The following ANXA4 variants were observed in gnomAD, a reference collection of about 807,000 sequenced individuals.
ANXA4 encodes 35-beta calcimedin.
Under a neutral mutation model 49.8 loss-of-function variants are expected in ANXA4, and 39 were observed. That is an observed-to-expected ratio of 0.78 (90% CI 0.61 to 1.02). The LOEUF is 1.02. Among genes scored for constraint, ANXA4 ranks in the 50% least tolerant of loss-of-function variants. The pLI is 0.00. For synonymous variants in ANXA4, 134 were observed against 152.5 expected (o/e 0.88, Z 0.89); for missense variants, 360 against 410.1 (o/e 0.88, Z 1.05).
At chr2:69,656,389 G>GTGTATATATA (rs1461030810) in intron 2 of ANXA4, among the ~76,000 whole-genome samples, 2 of 85,798 alleles carry the variant, frequency 2.3e-5, no homozygotes, top group Admixed American at 1.6e-4. Flanking sequence ...GTATATATAT[G>GTGTATATATA]TGTATATATA....
chr2:69,797,330 G>A (rs1284399764), intron 3 of ANXA4, among the ~76,000 whole-genome samples: 1 of 152,150 alleles, frequency 6.6e-6, no homozygotes, highest in Admixed American at 6.5e-5. Flanking sequence ...GCAGCCCCAT[G>A]GTTGCAGGTG....
chr2:69,788,196 A>T, intron 3 of ANXA4, 55 bp downstream of exon 3: 1 of 1,510,264 alleles, frequency 6.6e-7, no homozygotes, highest in South Asian at 1.1e-5. Flanking sequence ...TCACAGGGTC[A>T]CACAGGAGGG....
chr2:69,785,739 A>G (rs945197506), intron 2 of ANXA4, among the ~76,000 whole-genome samples: 2 of 152,196 alleles, frequency 1.3e-5, no homozygotes, highest in Admixed American at 6.5e-5. Flanking sequence ...GATAAGATTC[A>G]TACCCCACTC....
intron 2 of ANXA4, among the ~76,000 whole-genome samples, chr2:69,783,836 G>C (rs931276842): frequency 2.0e-5 from 3 of 152,144 alleles, no homozygotes; most frequent in African/African-American, 7.2e-5. Context: ...GCCTGTTCTA[G>C]AACATCCTAT....
At chr2:69,729,527 T>G (rs967869546) in intron 3 of ANXA4, among the ~76,000 whole-genome samples, 9 of 152,192 alleles carry the variant, frequency 5.9e-5, no homozygotes, top group Non-Finnish European at 7.4e-5. Flanking sequence ...TTAGGGGTGG[T>G]GCTACAGGTG....
chr2:69,650,259 C>T (rs562989746), intron 1 of ANXA4, among the ~76,000 whole-genome samples: 16 of 151,978 alleles, frequency 1.1e-4, no homozygotes, highest in East Asian at 3.9e-4. Flanking sequence ...TCTAAGGCTA[C>T]GTTGTTATAA....
intron 1 of ANXA4, among the ~76,000 whole-genome samples, chr2:69,750,498 A>G (rs1670793772): frequency 6.6e-6 from 1 of 152,194 alleles, no homozygotes; most frequent in Admixed American, 6.5e-5. Flanking sequence ...CTGCAGCCTC[A>G]AACTCCTGGG....
At chr2:69,704,315 C>T (rs1033206642) in intron 2 of ANXA4, among the ~76,000 whole-genome samples, 1 of 152,108 alleles carries the variant, frequency 6.6e-6, no homozygotes, top group African/African-American at 2.4e-5. Flanking sequence ...AGTAATTATA[C>T]AAAAAGTAAC....
Position 69,667,476 on chromosome 2 carries a change from A to G in ANXA4, n.766+14194A>G, listed in dbSNP as rs546482035. ...CCCATCTGACCTGAAAAAAAAAAAA[A>G]GGAAAGAAAAATAAAAGTCCCATAA... On this transcript the variant is annotated intron_variant and non_coding_transcript_variant, in intron 2 of 3. Coordinates refer to the ANXA4 transcript ENST00000418066. Among the ~76,000 whole-genome samples, 931 of 151,486 alleles carry G rather than the reference A, an allele frequency of 6.1e-3. 20 individuals are homozygous for G. Among genetic ancestry groups the G allele is most frequent in the East Asian group, 0.011 (57 of 5,082 alleles).
chr2:69,731,984 T>C (rs1424625299), intron 3 of ANXA4, among the ~76,000 whole-genome samples: 5 of 143,516 alleles, frequency 3.5e-5, no homozygotes, highest in South Asian at 4.4e-4. Context: ...TTCTTTCTTT[T>C]TTTTTTTTTT....
At chr2:69,654,477 G>T (rs1229914644) in intron 2 of ANXA4, among the ~76,000 whole-genome samples, 1 of 152,120 alleles carries the variant, frequency 6.6e-6, no homozygotes, top group Non-Finnish European at 1.5e-5. Flanking sequence ...CTAGTTTATT[G>T]AGAGTTTTTA....
intron 2 of ANXA4, among the ~76,000 whole-genome samples, chr2:69,715,405 A>G (rs1384349360): frequency 1.3e-5 from 2 of 151,998 alleles, no homozygotes; most frequent in East Asian, 3.9e-4. Flanking sequence ...ACGGGGTTTC[A>G]CCATATTGGC....
At chr2:69,670,438 CAAAAAAAAAAAA>C (rs748196181) in intron 2 of ANXA4, among the ~76,000 whole-genome samples, 9 of 44,780 alleles carry the variant, frequency 2.0e-4, no homozygotes, top group African/African-American at 6.4e-4. Context: ...GACTCAATCT[CAAAAAAAAAAAA>C]AAAAAAAAAG....
chr2:69,746,401 G>A (rs1331571896), intron 1 of ANXA4, among the ~76,000 whole-genome samples: 1 of 152,120 alleles, frequency 6.6e-6, no homozygotes, highest in African/African-American at 2.4e-5. Context: ...TAGTCTTATA[G>A]TGCTAACACC....
At chr2:69,675,564 T>C (rs1367864491) in intron 2 of ANXA4, among the ~76,000 whole-genome samples, 1 of 152,192 alleles carries the variant, frequency 6.6e-6, no homozygotes, top group East Asian at 1.9e-4. Context: ...AAGACTTGTT[T>C]AGAGCCTAAA....
At chr2:69,749,074 A>G (rs74725040) in intron 1 of ANXA4, among the ~76,000 whole-genome samples, 2,957 of 152,170 alleles carry the variant, frequency 0.019, 97 homozygotes, top group African/African-American at 0.068. Flanking sequence ...GGAGGTGGCA[A>G]CTGATGTTTG....
intron 1 of ANXA4, among the ~76,000 whole-genome samples, chr2:69,774,514 A>G (rs911139102): frequency 2.0e-5 from 3 of 151,662 alleles, no homozygotes; most frequent in East Asian, 1.9e-4. Flanking sequence ...AATTGTTTGT[A>G]TATTTAGTAG....
chr2:69,825,449 C>A lies in ANXA4; in HGVS notation c.907-7C>A. The A allele has an allele frequency of 6.2e-7, 1 of 1,603,490 alleles. No homozygotes were observed. Among genetic ancestry groups the A allele is most frequent in the Non-Finnish European group, 8.5e-7 (1 of 1,175,306 alleles). Reference sequence around the variant, plus strand: ...TATTTATCTAACTTTGCTTCCCTATCGAACAGGGTGACACATCTGGAGACT... The same window carrying A: ...TATTTATCTAACTTTGCTTCCCTATAGAACAGGGTGACACATCTGGAGACT... On this transcript the variant is annotated splice_region_variant and splice_polypyrimidine_tract_variant and intron_variant, in intron 12 of 12. Coordinates refer to ENST00000394295, the MANE Select transcript of ANXA4 (RefSeq NM_001153.5).
upstream of ANXA4, chr2:69,643,830 G>C (rs575133449): frequency 1.0e-5 from 12 of 1,182,694 alleles, no homozygotes; most frequent in Admixed American, 5.4e-4. Context: ...CCTCGGGGCG[G>C]CGCGGCGAGG....
Sources: gnomAD v4.1 joint callset for allele counts (sites outside exome capture counted in the v4.1 genomes callset) on GRCh38, gnomAD v4.1.1 for gene constraint, MANE v1.5 for transcripts, NCBI Gene and HGNC (gene_info 2026-07-23, HGNC 2026-07-21) for gene names.